PLCB3: variants seen among roughly 807,000 people sequenced by gnomAD.
PLCB3 encodes the protein phospholipase C beta 3.
In PLCB3, 54 loss-of-function variants were observed where a neutral mutation model predicts 152.1. The ratio of observed to expected loss-of-function variants is 0.36; its 90% CI spans 0.29 to 0.45. The LOEUF is 0.45. Ranked by LOEUF, PLCB3 falls within the 20% of genes least tolerant of loss-of-function variation. The pLI is 1.00. For missense variants in PLCB3, 1,248 were observed against 1,687.5 expected (o/e 0.74, Z 4.56); for synonymous variants, 717 against 698.7 (o/e 1.03, Z -0.41).
Position 64,267,919 on chromosome 11 carries a change from A to G in PLCB3, c.*363A>G. 4.3e-6 allele frequency: 1 copy of G among 234,000 alleles called. No individual in the cohort carries two copies. The highest frequency in any genetic ancestry group is 8.4e-6 in the Non-Finnish European group (1 of 118,954). The allele number at this position is 234,000 out of a possible 1,614,324, so 14.5% of individuals were successfully genotyped here. The stretch of plus-strand genomic sequence containing the variant: ...TTTTACATGAATAAAAGTGGATTTC[A>G]GGGACCCTGTGTGCAGTGTGATTTG... On this transcript the variant is annotated 3_prime_UTR_variant, in exon 31 of 31. Coordinates refer to ENST00000279230, the MANE Select transcript of PLCB3 (RefSeq NM_000932.5). The surrounding 1 kb of genome is among the most constrained non-coding windows in gnomAD (Gnocchi z 5.2).
chr11:64,255,099 A>T lies in PLCB3; in HGVS notation c.387+61A>T. The T allele has an allele frequency of 6.4e-7, 1 of 1,560,706 alleles. No homozygotes were observed. Among genetic ancestry groups the T allele is most frequent in the Non-Finnish European group, 8.8e-7 (1 of 1,137,226 alleles). On this transcript the variant is annotated intron_variant, in intron 4 of 30. Coordinates refer to ENST00000279230, the MANE Select transcript of PLCB3 (RefSeq NM_000932.5). This position sits in a 1 kb window ranked among gnomAD's most constrained non-coding sequence, Gnocchi z 6.8. ...TGTCTTATTCTGTGAGTCGGCCGTCACTTACCGAACACCTGCTGTGTTCTA... is the reference window on the plus strand; with the variant it reads ...TGTCTTATTCTGTGAGTCGGCCGTCTCTTACCGAACACCTGCTGTGTTCTA...
chr11:64,265,194 C>A lies in PLCB3; in HGVS notation c.2809C>A (p.Gln937Lys). The change falls in exon 24 of 31, where the codon CAG (glutamine) becomes AAG (lysine). Residue 937 changes from glutamine to lysine, a missense_variant and splice_region_variant. By Grantham distance (53) the Gln-to-Lys change is moderately conservative (BLOSUM62 1). Coordinates refer to ENST00000279230, the MANE Select transcript of PLCB3 (RefSeq NM_000932.5). ...CTCACAGGGCCTCTGCTCCCCAGGG[C>A]AGCGTGATGATCTCATCGCCAGCAT... ...PASTSLSSPG[Q>K]RDDLIASILS... The A allele has an allele frequency of 6.3e-7, 1 of 1,596,778 alleles. No homozygotes were observed.
intron 14 of PLCB3, 136 bp from the exon 15 acceptor site, chr11:64,261,264 G>C: frequency 1.4e-6 from 1 of 707,964 alleles, no homozygotes; most frequent in African/African-American, 1.7e-5. Flanking sequence ...AGACCCCGGG[G>C]AGAAGACTGT....
At chr11:64,267,926 C>G, downstream of PLCB3, 1 of 220,454 alleles carries the variant, frequency 4.5e-6, no homozygotes, top group Admixed American at 5.2e-5. The surrounding 1 kb of genome is among the most constrained non-coding windows in gnomAD (Gnocchi z 5.2). Context: ...TTCAGGGACC[C>G]TGTGTGCAGT....
chr11:64,251,781 C>T, intron 1 of PLCB3, 33 bp downstream of exon 1: 1 of 1,251,798 alleles, frequency 8.0e-7, no homozygotes, highest in Non-Finnish European at 1.1e-6. Context: ...CGCCCAAATC[C>T]CGGGACTCTT....
rs757458432 is a variant in PLCB3, at chr11:64,266,863, G to A, written c.3414+311G>A. Among the ~76,000 whole-genome samples the A allele has an allele frequency of 7.9e-5, 12 of 152,038 alleles. No individual in the cohort carries two copies. Among genetic ancestry groups the A allele is most frequent in the South Asian group, 6.2e-4 (3 of 4,810 alleles). ...CGCCCAGGCTGGAGTGCAGTGGCGC[G>A]ATCTTGGCTCACTGCAACCTCTTGG... On this transcript the variant is annotated intron_variant, in intron 29 of 30. Coordinates refer to ENST00000279230, the MANE Select transcript of PLCB3 (RefSeq NM_000932.5). The surrounding 1 kb of genome is among the most constrained non-coding windows in gnomAD (Gnocchi z 4.9).
In PLCB3 at chr11:64,258,433, G is replaced by T; in HGVS notation, c.1013-40G>T. The T allele has an allele frequency of 6.2e-7, 1 of 1,601,122 alleles. No individual in the cohort carries two copies. The stretch of plus-strand genomic sequence containing the variant: ...TGGGGCCGGGGTGGTGAGGAGCTGG[G>T]CTGGTGGGCGGCCTCGGTGACAGAG... On this transcript the variant is annotated intron_variant, in intron 10 of 30. Transcript: ENST00000279230. This position sits in a 1 kb window ranked among gnomAD's most constrained non-coding sequence, Gnocchi z 7.2.
chr11:64,262,862 C>T, intron 19 of PLCB3, 54 bp downstream of exon 19: 2 of 1,563,160 alleles, frequency 1.3e-6, no homozygotes, highest in Non-Finnish European at 1.7e-6. Flanking sequence ...CCCAGACCGC[C>T]CCGACTCTCA....
chr11:64,262,040 G>A lies in PLCB3; in HGVS notation c.2002G>A (p.Gly668Arg), dbSNP rs1195240043. The change falls in exon 17 of 31, where the codon GGG becomes AGG. Residue 668 changes from glycine (G) to arginine (R), a missense_variant. Around this residue, in one of 6 missense-constraint regions of PLCB3, gnomAD observed 244 missense variants for 424.4 expected, o/e 0.57. Transcript: ENST00000279230. ...CATGCCCCAGCTCTTCTGGAACGTAGGGTGCCAGCTTGTTGCGCTCAACTT... is the reference window on the plus strand; with the variant it reads ...CATGCCCCAGCTCTTCTGGAACGTAAGGTGCCAGCTTGTTGCGCTCAACTT... ...NYMPQLFWNV[G>R]CQLVALNFQT... The A allele has an allele frequency of 6.2e-7, 1 of 1,614,046 alleles. No individual in the cohort carries two copies. Among genetic ancestry groups the A allele is most frequent in the Non-Finnish European group, 8.5e-7 (1 of 1,180,012 alleles).
At chr11:64,254,304 C>T (rs763895437) in intron 1 of PLCB3, 111 bp from the exon 2 acceptor site, 22 of 853,556 alleles carry the variant, frequency 2.6e-5, no homozygotes, top group Middle Eastern at 2.2e-4. Context: ...GATGAGGTTT[C>T]GTCTTAGCTC....
chr11:64,264,340 G>A (rs1461329809), intron 22 of PLCB3, among the ~76,000 whole-genome samples: 3 of 152,194 alleles, frequency 2.0e-5, no homozygotes, highest in Non-Finnish European at 4.4e-5. Context: ...GGGGGTACAG[G>A]GGTCTCAGCC....
At position 64,265,491 on chromosome 11, in the gene PLCB3, G is replaced by C. The variant is rs780216610; in HGVS notation, c.3024G>C (p.Arg1008=). The stretch of plus-strand genomic sequence containing the variant: ...AGGCTGAGGGCAGGTGCCGGCTGCG[G>C]CCAGGTGCCCTGTGAGTGTCTGGGC... ...QAQAEGRCRL[R]PGALGGAADV... is the part of the protein sequence containing the mutation. The change falls in exon 25 of 31, where the codon CGG becomes CGC. Residue 1008 remains arginine (R), a synonymous_variant. Coordinates refer to ENST00000279230, the MANE Select transcript of PLCB3 (RefSeq NM_000932.5). The C allele has an allele frequency of 6.2e-7, 1 of 1,600,154 alleles. No homozygotes were observed. The highest frequency in any genetic ancestry group is 1.1e-5 in the South Asian group (1 of 90,614).
chr11:64,261,910 G>C (rs371069400), intron 16 of PLCB3, 42 bp from the exon 17 acceptor site: 1 of 1,611,928 alleles, frequency 6.2e-7, no homozygotes, highest in Non-Finnish European at 8.5e-7. Flanking sequence ...GGCTGATGGG[G>C]TGGGCCCTGG....
In PLCB3 at chr11:64,260,144, C is replaced by T. The variant is rs1372796616; in HGVS notation, c.1641C>T (p.Pro547=). The T allele has an allele frequency of 3.7e-6, 6 of 1,610,712 alleles. No homozygotes were observed. Among genetic ancestry groups the T allele is most frequent in the Non-Finnish European group, 4.2e-6 (5 of 1,178,754 alleles). Residue 547 remains proline, a synonymous_variant, in exon 14 of 31, where the codon CCC becomes CCT. Coordinates refer to ENST00000279230, the MANE Select transcript of PLCB3 (RefSeq NM_000932.5). The part of the protein sequence containing the change: ...SLGDEGLNRG[P]YVLGPADRED... ...GTGACGAGGGCCTGAACCGAGGCCC[C>T]TATGTTCTTGGACCTGCTGACCGTG...
Position 64,266,324 on chromosome 11 carries a change from G to A in PLCB3, c.3276G>A (p.Lys1092=). 2 of 1,613,558 alleles carry A rather than the reference G, an allele frequency of 1.2e-6. No individual in the cohort carries two copies. The highest frequency in any genetic ancestry group is 2.2e-5 in the East Asian group (1 of 44,860). The stretch of plus-strand genomic sequence containing the variant: ...CTGCCGGCTTCTCCAGGGAGAAGAA[G>A]GAGCTGCAGAAGATCCTGGACAGAA... ...RLKEMNEREK[K]ELQKILDRKR... Residue 1092 remains lysine (K), a synonymous_variant, in exon 28 of 31, where the codon AAG becomes AAA. Transcript: ENST00000279230. This position sits in a 1 kb window ranked among gnomAD's most constrained non-coding sequence, Gnocchi z 4.9.
At chr11:64,257,332 G>C (rs1271803967) in intron 10 of PLCB3, among the ~76,000 whole-genome samples, 1 of 152,070 alleles carries the variant, frequency 6.6e-6, no homozygotes. Context: ...GGCTGGAAGG[G>C]GGTTGGGTGC....
chr11:64,259,255 G>C lies in PLCB3; in HGVS notation c.1525+11G>C. 6.7e-7 allele frequency: 1 copy of C among 1,497,784 alleles called. No individual in the cohort carries two copies. The highest frequency in any genetic ancestry group is 8.9e-7 in the Non-Finnish European group (1 of 1,122,532). The allele number at this position is 1,497,784 out of a possible 1,614,324, so 92.8% of individuals were successfully genotyped here. A position where few individuals can be genotyped will look rare whatever the true frequency, so the allele number is the denominator to read the frequency against. ...CCTCCCCGCAGCTGGGTAGGCCCCA[G>C]CCCGGCCCGCCACCCTGACTTGACC... On this transcript the variant is annotated intron_variant, in intron 13 of 30. Transcript: ENST00000279230.
intron 21 of PLCB3, 63 bp from the exon 22 acceptor site, chr11:64,263,958 G>A: frequency 2.3e-6 from 3 of 1,320,086 alleles, no homozygotes; most frequent in South Asian, 1.3e-5. Context: ...GAGACCAGAG[G>A]TGGCGGGTGG....
At chr11:64,261,374 T>G in intron 14 of PLCB3, 26 bp from the exon 15 acceptor site, 4 of 1,578,196 alleles carry the variant, frequency 2.5e-6, no homozygotes, top group Non-Finnish European at 3.5e-6. Flanking sequence ...GGAATGGCAC[T>G]GCTGACCCTG....
Sources: gnomAD v4.1 joint callset for allele counts (sites outside exome capture counted in the v4.1 genomes callset) on GRCh38, gnomAD v4.1.1 for gene constraint, gnomAD v4.1.1 regional missense constraint, Gnocchi (gnomAD v3.1) non-coding constraint, MANE v1.5 for transcripts, NCBI Gene and HGNC (gene_info 2026-07-23, HGNC 2026-07-21) for gene names.